The following TEX11 variants were observed in gnomAD, a reference collection of about 807,000 sequenced individuals.
TEX11 encodes testis expressed 11.
TEX11 carries 7 observed loss-of-function variants against 84.4 expected under a neutral mutation model. The observed-to-expected ratio is 0.08, with a 90% CI of 0.05 to 0.16. TEX11 has a LOEUF of 0.16. TEX11 is among the 10% of genes least tolerant of loss of function. TEX11 has a pLI of 1.00. For synonymous variants in TEX11, 264 were observed against 222.8 expected (o/e 1.18, Z -1.64); for missense variants, 551 against 660.5 (o/e 0.83, Z 1.82).
intron 16 of TEX11, among the ~76,000 whole-genome samples, chrX:70,661,311 G>C (rs995639756): frequency 1.8e-5 from 2 of 112,274 alleles, no homozygotes; most frequent in Non-Finnish European, 3.8e-5. Flanking sequence ...ACTGCAAGGC[G>C]GCAGCAAAGC....
chrX:70,529,135 G>C lies in TEX11; in HGVS notation c.2738C>G (p.Pro913Arg). 8.3e-7 allele frequency: 1 copy of C among 1,210,719 alleles called. No individual in the cohort carries two copies. Among genetic ancestry groups the C allele is most frequent in the South Asian group, 1.8e-5 (1 of 56,908 alleles). Residue 913 changes from proline to arginine, a missense_variant, in exon 30 of 30, where the codon CCA (proline) becomes CGA (arginine). By Grantham distance (103) the Pro-to-Arg change is moderately radical (BLOSUM62 -2). Coordinates refer to ENST00000374333, the MANE Select transcript of TEX11 (RefSeq NM_031276.3). ...CCAGTAGCCATGTTCATGAAAAACT[G>C]GGCCCTTGTTGTTACTCAATGCTTC... ...LVEALSNNKG[P>R]VFHEHGYWSK...
chrX:70,666,492 C>T (rs781728746), intron 16 of TEX11, among the ~76,000 whole-genome samples: 2 of 111,501 alleles, frequency 1.8e-5, no homozygotes, highest in East Asian at 2.8e-4. Context: ...CAGAAAGCCC[C>T]TTGGATTATG....
At chrX:70,746,539 T>C (rs1334847103) in intron 9 of TEX11, among the ~76,000 whole-genome samples, 3 of 111,921 alleles carry the variant, frequency 2.7e-5, no homozygotes, top group Non-Finnish European at 5.6e-5. Flanking sequence ...AAGAGAAGCA[T>C]GCCATGAGCC....
intron 13 of TEX11, among the ~76,000 whole-genome samples, chrX:70,699,984 C>G (rs1328554317): frequency 8.9e-6 from 1 of 111,780 alleles, no homozygotes. Context: ...CAGTTTCCTC[C>G]TATAGTTAAA....
intron 13 of TEX11, among the ~76,000 whole-genome samples, chrX:70,693,978 A>G (rs193233817): frequency 1.8e-5 from 2 of 112,095 alleles, no homozygotes; most frequent in Admixed American, 1.9e-4. Flanking sequence ...ACAAACCTGC[A>G]CATGTACTTC....
rs183432988 is a variant in TEX11 at position 70,737,390 on chromosome X, G to C, written c.843+3311C>G. Among the ~76,000 whole-genome samples, 36 of 110,742 alleles carry C rather than the reference G, an allele frequency of 3.3e-4. No individual in the cohort carries two copies. In the East Asian group the frequency reaches 6.8e-3, roughly 21 times the overall value. On this transcript the variant is annotated intron_variant, in intron 11 of 29. Coordinates refer to ENST00000374333, the MANE Select transcript of TEX11 (RefSeq NM_031276.3). ...AGGCAGCCTAATACATGGTTAATTA[G>C]AGTACTTGGGGGAAAGCAGAAAAAA...
At chrX:70,686,406 A>G (rs944891909) in intron 13 of TEX11, among the ~76,000 whole-genome samples, 7 of 111,732 alleles carry the variant, frequency 6.3e-5, no homozygotes, top group African/African-American at 2.3e-4. Flanking sequence ...ATTAAGCTGC[A>G]AGCCATCATC....
chrX:70,711,481 CT>C (rs1408137253), intron 13 of TEX11, among the ~76,000 whole-genome samples: 1 of 110,074 alleles, frequency 9.1e-6, no homozygotes, highest in African/African-American at 3.3e-5. Context: ...GATCGCCATT[CT>C]AACTGGTGTG....
At chrX:70,684,870 G>C (rs1332660867) in intron 13 of TEX11, among the ~76,000 whole-genome samples, 1 of 111,246 alleles carries the variant, frequency 9.0e-6, no homozygotes, top group African/African-American at 3.3e-5. Context: ...AAACAAAATT[G>C]GAGGCATCAC....
Position 70,553,359 on chromosome X carries a change from T to C in TEX11, c.2346A>G (p.Lys782=). 1 of 1,209,228 alleles carries C rather than the reference T, an allele frequency of 8.3e-7. No individual in the cohort carries two copies. The highest frequency in any genetic ancestry group is 1.1e-6 in the Non-Finnish European group (1 of 893,984). The change falls in exon 27 of 30, where the codon AAA becomes AAG. Residue 782 remains lysine, a synonymous_variant. Transcript: ENST00000374333. ...CCTTTTTGTAGAGCAATAAAGCCTT[T>C]TTCAAGGCCTTGAGAGCAATCAAAG... ...HYPLIALKAL[K]KALLLYKKEE... is the part of the protein sequence containing the mutation.
chrX:70,837,892 A>C (rs1351496435), intron 7 of TEX11, among the ~76,000 whole-genome samples: 1 of 111,610 alleles, frequency 9.0e-6, no homozygotes, highest in Admixed American at 9.5e-5. Context: ...AATTGTATAG[A>C]GCTCTATAAA....
intron 16 of TEX11, among the ~76,000 whole-genome samples, chrX:70,665,365 C>T (rs1177070976): frequency 9.0e-6 from 1 of 111,593 alleles, no homozygotes; most frequent in African/African-American, 3.3e-5. Flanking sequence ...AGAACCCAAG[C>T]TCATTTCCTT....
chrX:70,646,401 C>T (rs1169548782), intron 17 of TEX11, among the ~76,000 whole-genome samples: 2 of 112,080 alleles, frequency 1.8e-5, no homozygotes, highest in Non-Finnish European at 3.8e-5. Flanking sequence ...TAAAAAGCTT[C>T]CACACAGCAA....
chrX:70,515,725 A>C, the TEX11 span, among the ~76,000 whole-genome samples: 4 of 112,609 alleles, frequency 3.6e-5, no homozygotes, highest in East Asian at 1.1e-3. Context: ...GAACTAGTTT[A>C]CAGTCCCACC....
intron 13 of TEX11, among the ~76,000 whole-genome samples, chrX:70,711,292 A>C (rs1323765413): frequency 1.4e-4 from 15 of 111,073 alleles, no homozygotes; most frequent in African/African-American, 4.3e-4. Context: ...ATAATCCTTT[A>C]GGTATATACC....
At chrX:70,877,197 G>A (rs757476782) in intron 3 of TEX11, among the ~76,000 whole-genome samples, 1 of 110,240 alleles carries the variant, frequency 9.1e-6, no homozygotes, top group East Asian at 2.8e-4. Context: ...GGGTGGCTGA[G>A]GCACGAGAAC....
chrX:70,853,469 T>C, intron 5 of TEX11, 141 bp from the exon 6 acceptor site: 1 of 455,556 alleles, frequency 2.2e-6, no homozygotes, highest in Middle Eastern at 6.2e-4. Context: ...CAGTTAGCAT[T>C]TGTTAGAGTT....
chrX:70,734,258 C>T (rs1259859836), intron 11 of TEX11, among the ~76,000 whole-genome samples: 2 of 108,920 alleles, frequency 1.8e-5, no homozygotes, highest in Non-Finnish European at 3.8e-5. Flanking sequence ...ACATATGTAA[C>T]ATACCTGCAC....
At chrX:70,891,692 GA>G (rs768023288) in intron 2 of TEX11, among the ~76,000 whole-genome samples, 3 of 111,169 alleles carry the variant, frequency 2.7e-5, no homozygotes, top group Non-Finnish European at 5.7e-5. Flanking sequence ...AAAAAAGAGT[GA>G]AAAGGAATGA....
Sources: gnomAD v4.1 joint callset for allele counts (sites outside exome capture counted in the v4.1 genomes callset) on GRCh38, gnomAD v4.1.1 for gene constraint, MANE v1.5 for transcripts, NCBI Gene and HGNC (gene_info 2026-07-23, HGNC 2026-07-21) for gene names.